MYO5B: variants seen among roughly 807,000 people sequenced by gnomAD.
MYO5B encodes the protein unconventional myosin-Vb.
MYO5B carries 143 observed loss-of-function variants against 229.3 expected under a neutral mutation model. That is an observed-to-expected ratio of 0.62 (90% CI 0.54 to 0.72). The LOEUF (loss-of-function observed/expected upper bound fraction) is 0.72. Among genes scored for constraint, MYO5B ranks in the 30% least tolerant of loss-of-function variants. The probability of loss-of-function intolerance (pLI) is 0.00; values close to 1 mark genes in which losing one functional copy is unlikely to be tolerated. For synonymous variants in MYO5B, 918 were observed against 885.2 expected, an observed-to-expected ratio of 1.04 and a Z score of -0.66; for missense variants, 2,321 against 2,331.0, an observed-to-expected ratio of 1.00 and a Z score of 0.09.
Position 49,906,630 on chromosome 18 carries a change from C to A in MYO5B, c.2203G>T (p.Asp735Tyr). 6.2e-7 allele frequency: 1 copy of A among 1,613,316 alleles called. No individual in the cohort carries two copies. Among genetic ancestry groups the A allele is most frequent in the Non-Finnish European group, 8.5e-7 (1 of 1,179,534 alleles). ...CRSVLENLIK[D>Y]PDKFQFGRTK... ...CGGCCAAACTGGAACTTGTCGGGGT[C>A]CTTTACAAGGTAGGGAGGGGATCTG... The change falls in exon 19 of 40, where the codon GAC becomes TAC. Residue 735 changes from aspartate (D) to tyrosine (Y), a missense_variant and splice_region_variant. Coordinates refer to ENST00000285039, the MANE Select transcript of MYO5B (RefSeq NM_001080467.3).
At chr18:49,847,079 G>C (rs1185560576) in intron 33 of MYO5B, 67 bp downstream of exon 33, 13 of 1,600,908 alleles carry the variant, frequency 8.1e-6, no homozygotes, top group Non-Finnish European at 1.1e-5. Context: ...GGTTGTGCTG[G>C]GGATGGAGAT....
chr18:49,839,897 C>G (rs1458114391), intron 35 of MYO5B: 1 of 160,780 alleles, frequency 6.2e-6, no homozygotes, highest in Admixed American at 5.7e-5. Context: ...CCTTTTCATT[C>G]AGGCCTAGGG....
At chr18:49,866,025 T>A (rs1300535210) in intron 27 of MYO5B, among the ~76,000 whole-genome samples, 3 of 152,216 alleles carry the variant, frequency 2.0e-5, no homozygotes, top group Non-Finnish European at 4.4e-5. Flanking sequence ...AGAATATGCA[T>A]GCTTTATTGT....
intron 17 of MYO5B, among the ~76,000 whole-genome samples, chr18:49,915,005 T>C (rs555180941): frequency 6.6e-6 from 1 of 152,182 alleles, no homozygotes; most frequent in Admixed American, 6.5e-5. Context: ...GCTGAGCTCC[T>C]TGTCTTTCCC....
At chr18:49,947,640 C>G (rs557896676) in intron 14 of MYO5B, among the ~76,000 whole-genome samples, 7 of 152,118 alleles carry the variant, frequency 4.6e-5, no homozygotes, top group African/African-American at 1.7e-4. Context: ...AGTAAGAGAG[C>G]TGCCACAATT....
At chr18:50,005,564 A>AG (rs2026092594) in intron 4 of MYO5B, among the ~76,000 whole-genome samples, 2 of 152,322 alleles carry the variant, frequency 1.3e-5, no homozygotes, top group East Asian at 3.9e-4. Context: ...GCATAGGCAT[A>AG]GGCCACCACA....
chr18:49,962,466 C>G, intron 11 of MYO5B, 60 bp from the exon 12 acceptor site: 1 of 1,610,752 alleles, frequency 6.2e-7, no homozygotes, highest in Non-Finnish European at 8.5e-7. Context: ...ATTCACCTCC[C>G]CCAGGGGCTC....
At chr18:50,077,502 A>AACACACACACACACACACACACACACAC (rs60086500) in intron 1 of MYO5B, among the ~76,000 whole-genome samples, 25 of 133,582 alleles carry the variant, frequency 1.9e-4, no homozygotes, top group Non-Finnish European at 2.8e-4. Context: ...CACACACACA[A>AACACACACACACACACACACACACACAC]ACACACACAC....
rs147729893 is a variant in MYO5B, at chr18:50,101,067, C to A, written c.28-45689G>T. Reference sequence around the variant, plus strand: ...GTGGATCTAACCTACAGCATGGGGACAATAGTTCACAATAGCATACTGTAT... The same window carrying A: ...GTGGATCTAACCTACAGCATGGGGAAAATAGTTCACAATAGCATACTGTAT... On this transcript the variant is annotated intron_variant, in intron 1 of 39. Transcript: ENST00000285039. Among the ~76,000 whole-genome samples the A allele has an allele frequency of 3.2e-4, 48 of 152,290 alleles. 1 individual carries two copies. In the East Asian group the frequency reaches 9.1e-3, roughly 29 times the overall value.
In MYO5B at chr18:49,864,170, C is replaced by T. The variant is rs2024366565; in HGVS notation, c.3814G>A (p.Asp1272Asn). The change falls in exon 28 of 40, where the codon GAC becomes AAC. Residue 1272 changes from aspartate (D) to asparagine (N), a missense_variant. Asp to Asn is a conservative substitution (Grantham distance 23). Transcript: ENST00000285039. ...TTCCTGCCGGCGAGTCGCCGCTGGTCGGCGCTCACGATCTGGGTCCTGAGG... is the reference window on the plus strand; with the variant it reads ...TTCCTGCCGGCGAGTCGCCGCTGGTTGGCGCTCACGATCTGGGTCCTGAGG... ...LILRTQIVSA[D>N]QRRLAGRNAE... 1.9e-6 allele frequency: 3 copies of T among 1,611,296 alleles called. No individual in the cohort carries two copies. The highest frequency in any genetic ancestry group is 2.5e-6 in the Non-Finnish European group (3 of 1,179,972).
chr18:49,904,962 T>C (rs1209430668), intron 19 of MYO5B, 134 bp from the exon 20 acceptor site: 4 of 1,018,056 alleles, frequency 3.9e-6, no homozygotes, highest in African/African-American at 1.6e-5. Context: ...GGAAACCAAC[T>C]CTCTTCACCC....
chr18:49,860,209 A>G (rs1196818955), intron 29 of MYO5B, among the ~76,000 whole-genome samples: 3 of 152,090 alleles, frequency 2.0e-5, no homozygotes, highest in African/African-American at 4.8e-5. Flanking sequence ...AAAGAGCCAG[A>G]CCAGAGCCCT....
At chr18:50,010,976 C>T (rs896108984) in intron 4 of MYO5B, among the ~76,000 whole-genome samples, 2 of 152,300 alleles carry the variant, frequency 1.3e-5, no homozygotes, top group African/African-American at 2.4e-5. Context: ...CTTTGGCATG[C>T]CACCAGTAAG....
intron 1 of MYO5B, among the ~76,000 whole-genome samples, chr18:50,068,793 G>C (rs901760907): frequency 6.6e-6 from 1 of 152,130 alleles, no homozygotes; most frequent in African/African-American, 2.4e-5. Flanking sequence ...ACATTCTCCT[G>C]ACCTTGGTTT....
intron 25 of MYO5B, among the ~76,000 whole-genome samples, chr18:49,876,573 G>A (rs986651566): frequency 3.3e-5 from 5 of 152,196 alleles, no homozygotes; most frequent in Admixed American, 3.3e-4. Flanking sequence ...AACCAGCACT[G>A]GACCAGTCTT....
chr18:50,036,942 T>C lies in MYO5B; in HGVS notation c.363A>G (p.Gln121=), dbSNP rs1416341529. 6.2e-7 allele frequency: 1 copy of C among 1,614,142 alleles called. No homozygotes were observed. Among genetic ancestry groups the C allele is most frequent in the Admixed American group, 1.7e-5 (1 of 60,018 alleles). ...NPYEQLPIYG[Q]DVIYTYSGQN... is the part of the protein sequence containing the mutation. ...GGCCACTGTAGGTATAGATGACATC[T>C]TGTCCATAGATTGGCAACTGTTCAT... is the stretch of plus-strand genomic sequence containing the variant. Residue 121 remains glutamine (Q), a synonymous_variant, in exon 4 of 40, where the codon CAA becomes CAG. Coordinates refer to ENST00000285039, the MANE Select transcript of MYO5B (RefSeq NM_001080467.3).
chr18:50,071,426 C>G (rs569315584), intron 1 of MYO5B, among the ~76,000 whole-genome samples: 2 of 152,320 alleles, frequency 1.3e-5, no homozygotes, highest in African/African-American at 4.8e-5. Context: ...CTGCAAAGCA[C>G]TGAAGCAGAT....
At chr18:50,116,399 T>G (rs191744443) in intron 1 of MYO5B, among the ~76,000 whole-genome samples, 4 of 152,050 alleles carry the variant, frequency 2.6e-5, no homozygotes, top group Non-Finnish European at 5.9e-5. Context: ...GTTCCCCAAA[T>G]CCAAAAGAGG....
intron 17 of MYO5B, among the ~76,000 whole-genome samples, chr18:49,916,446 G>C (rs2025015251): frequency 6.6e-6 from 1 of 152,190 alleles, no homozygotes; most frequent in Admixed American, 6.5e-5. Flanking sequence ...CCTCATACAA[G>C]CACCACAGGG....
Sources: gnomAD v4.1 joint callset for allele counts (sites outside exome capture counted in the v4.1 genomes callset) on GRCh38, gnomAD v4.1.1 for gene constraint, MANE v1.5 for transcripts, NCBI Gene and HGNC (gene_info 2026-07-23, HGNC 2026-07-21) for gene names.